CTNNA3: variants seen among roughly 807,000 people sequenced by gnomAD.
CTNNA3 encodes the protein catenin alpha 3.
In CTNNA3, 76 loss-of-function variants were observed where a neutral mutation model predicts 95.7. That is an observed-to-expected ratio of 0.79 (90% CI 0.66 to 0.96). The LOEUF is 0.96. Among genes scored for constraint, CTNNA3 ranks in the 40% least tolerant of loss-of-function variants. The pLI is 0.00. For missense variants in CTNNA3, 1,191 were observed against 1,089.8 expected (o/e 1.09, Z -1.31); for synonymous variants, 431 against 374.4 (o/e 1.15, Z -1.74).
At chr10:66,441,823 T>C (rs1371829197) in intron 11 of CTNNA3, among the ~76,000 whole-genome samples, 2 of 152,210 alleles carry the variant, frequency 1.3e-5, no homozygotes, top group Non-Finnish European at 2.9e-5. Flanking sequence ...AGCTGTGTAT[T>C]TGCCAGATTA....
rs1435601968 is a variant in CTNNA3, at chr10:66,442,603, G to T, written c.1532-63251C>A. On this transcript the variant is annotated intron_variant, in intron 11 of 17. Transcript: ENST00000433211. ...CCAAAGAAAGTTGCATTGATGAATAGAAAAAAAATAGCTTTATTCCCCTAC... is the reference window on the plus strand; with the variant it reads ...CCAAAGAAAGTTGCATTGATGAATATAAAAAAAATAGCTTTATTCCCCTAC... Among the ~76,000 whole-genome samples the T allele has an allele frequency of 5.3e-5, 8 of 151,770 alleles. No homozygotes were observed. The South Asian group carries it at 1.7e-3, about 32-fold the overall frequency.
At chr10:66,683,503 C>CA (rs1370892316) in intron 9 of CTNNA3, among the ~76,000 whole-genome samples, 1 of 152,134 alleles carries the variant, frequency 6.6e-6, no homozygotes, top group African/African-American at 2.4e-5. Context: ...AGTGGGCCAG[C>CA]ATGTATTATG....
intron 5 of CTNNA3, among the ~76,000 whole-genome samples, chr10:67,227,748 T>G (rs904792668): frequency 6.6e-6 from 1 of 152,202 alleles, no homozygotes; most frequent in Non-Finnish European, 1.5e-5. Context: ...ATACACATTT[T>G]ATTCAACAGC....
intron 5 of CTNNA3, among the ~76,000 whole-genome samples, chr10:67,306,214 A>T (rs1035709344): frequency 2.0e-5 from 3 of 152,168 alleles, no homozygotes; most frequent in Admixed American, 2.0e-4. Flanking sequence ...ATTTTTTTAG[A>T]TGGGAGGAAC....
intron 9 of CTNNA3, among the ~76,000 whole-genome samples, chr10:66,701,815 G>A (rs1421458665): frequency 6.6e-6 from 1 of 152,026 alleles, no homozygotes; most frequent in Non-Finnish European, 1.5e-5. Context: ...TGGAATGTTT[G>A]CATATACATA....
intron 5 of CTNNA3, among the ~76,000 whole-genome samples, chr10:67,389,397 C>A (rs1362629523): frequency 6.8e-6 from 1 of 147,488 alleles, no homozygotes; most frequent in Non-Finnish European, 1.5e-5. Context: ...ACAGGAGCAC[C>A]CAGATTCATA....
intron 13 of CTNNA3, among the ~76,000 whole-genome samples, chr10:66,249,565 A>G (rs2132064770): frequency 6.6e-6 from 1 of 152,352 alleles, no homozygotes; most frequent in Middle Eastern, 3.4e-3. Flanking sequence ...ACTGCAAATC[A>G]AAACTATAAT....
At chr10:67,104,158 A>T (rs1858496863) in intron 7 of CTNNA3, among the ~76,000 whole-genome samples, 1 of 151,866 alleles carries the variant, frequency 6.6e-6, no homozygotes, top group African/African-American at 2.4e-5. Context: ...CAATTTTACC[A>T]AAAACTATAT....
chr10:66,444,712 G>A (rs2093404974), intron 11 of CTNNA3, among the ~76,000 whole-genome samples: 2 of 152,164 alleles, frequency 1.3e-5, no homozygotes, highest in African/African-American at 2.4e-5. Context: ...ACCAGCCACT[G>A]CAAAAACATA....
chr10:67,101,332 T>C (rs1034797614), intron 7 of CTNNA3, among the ~76,000 whole-genome samples: 3 of 151,786 alleles, frequency 2.0e-5, no homozygotes, highest in Non-Finnish European at 4.4e-5. Context: ...GAACACATGT[T>C]CAATTCGGAG....
At chr10:66,112,558 T>C (rs556598787) in intron 13 of CTNNA3, among the ~76,000 whole-genome samples, 22 of 152,284 alleles carry the variant, frequency 1.4e-4, no homozygotes, top group Admixed American at 5.2e-4. Flanking sequence ...CAATGCTGTA[T>C]ATATAGTAGG....
chr10:67,656,671 G>C (rs1343996519), intron 1 of CTNNA3, among the ~76,000 whole-genome samples: 1 of 151,946 alleles, frequency 6.6e-6, no homozygotes, highest in Non-Finnish European at 1.5e-5. Flanking sequence ...CATTGAGAAG[G>C]GGACATCTGA....
At chr10:66,154,849 A>ACAG (rs1245898659) in intron 13 of CTNNA3, among the ~76,000 whole-genome samples, 1 of 150,862 alleles carries the variant, frequency 6.6e-6, no homozygotes, top group Non-Finnish European at 1.5e-5. Flanking sequence ...AGCCCCTAGT[A>ACAG]CAGCTGTGGT....
intron 1 of CTNNA3, among the ~76,000 whole-genome samples, chr10:67,663,019 A>C (rs1840233669): frequency 6.6e-6 from 1 of 152,214 alleles, no homozygotes; most frequent in Non-Finnish European, 1.5e-5. Flanking sequence ...TCTCTGAATT[A>C]ATACTTTCAA....
Position 66,873,949 on chromosome 10 carries a change from C to T in CTNNA3, c.1048-98425G>A, listed in dbSNP as rs192416478. The stretch of plus-strand genomic sequence containing the variant: ...GTCTGGATTCTCCAAGAATCAGATG[C>T]CAACACAGGATTAAACATGTAAGCA... On this transcript the variant is annotated intron_variant, in intron 7 of 17. Transcript: ENST00000433211. 3.6e-4 allele frequency among the ~76,000 whole-genome samples: 55 copies of T among 152,154 alleles called. 1 individual carries two copies. Among genetic ancestry groups the T allele is most frequent in the African/African-American group, 1.2e-3 (51 of 41,502 alleles).
intron 13 of CTNNA3, among the ~76,000 whole-genome samples, chr10:66,162,995 A>G (rs558220974): frequency 4.5e-4 from 69 of 152,092 alleles, no homozygotes; most frequent in African/African-American, 1.6e-3. Context: ...AGTGAGGGAA[A>G]GCTGGCAGTC....
chr10:66,997,203 C>T (rs146454000), intron 7 of CTNNA3, among the ~76,000 whole-genome samples: 308 of 152,206 alleles, frequency 2.0e-3, no homozygotes, highest in Admixed American at 4.1e-3. Flanking sequence ...ATTTCAGAGG[C>T]CTAATTTTCC....
intron 5 of CTNNA3, among the ~76,000 whole-genome samples, chr10:67,315,305 T>C (rs1040088530): frequency 6.6e-6 from 1 of 152,164 alleles, no homozygotes; most frequent in African/African-American, 2.4e-5. Context: ...GATCATTAAA[T>C]TGGGTGAGTT....
At chr10:67,679,260 C>T (rs1840584868) in intron 1 of CTNNA3, among the ~76,000 whole-genome samples, 1 of 152,088 alleles carries the variant, frequency 6.6e-6, no homozygotes, top group Admixed American at 6.6e-5. Flanking sequence ...TAGCAGCATC[C>T]CTGGCTTCTA....
Sources: gnomAD v4.1 joint callset for allele counts (sites outside exome capture counted in the v4.1 genomes callset) on GRCh38, gnomAD v4.1.1 for gene constraint, MANE v1.5 for transcripts, NCBI Gene and HGNC (gene_info 2026-07-23, HGNC 2026-07-21) for gene names.